Variants in CDKAL1 observed in about 807,000 individuals in gnomAD.
The protein encoded by CDKAL1 is CDKAL1 threonylcarbamoyladenosine tRNA methylthiotransferase.
In CDKAL1, 32 loss-of-function variants were observed where a neutral mutation model predicts 68.2. The observed-to-expected ratio is 0.47, with a 90% CI of 0.35 to 0.63. The LOEUF is 0.63. CDKAL1 is among the 30% of genes least tolerant of loss of function. The pLI is 0.00. For synonymous variants in CDKAL1, 234 were observed against 244.3 expected (o/e 0.96, Z 0.39); for missense variants, 606 against 696.7 (o/e 0.87, Z 1.47).
intron 6 of CDKAL1, among the ~76,000 whole-genome samples, chr6:20,750,483 T>C (rs2745933): frequency 0.56 from 84,502 of 151,954 alleles, 23,701 homozygotes; most frequent in Middle Eastern, 0.61. Context: ...TGTCTGAGTC[T>C]CTTGAAAGTT....
At chr6:20,787,916 A>G (rs1056177063) in intron 8 of CDKAL1, among the ~76,000 whole-genome samples, 4 of 152,192 alleles carry the variant, frequency 2.6e-5, no homozygotes, top group Non-Finnish European at 2.9e-5. Flanking sequence ...CTCTGTCACT[A>G]TATATAGTTT....
At chr6:20,620,172 C>T (rs1165082751) in intron 4 of CDKAL1, among the ~76,000 whole-genome samples, 4 of 152,134 alleles carry the variant, frequency 2.6e-5, no homozygotes, top group Admixed American at 1.3e-4. Context: ...TATACAGAGC[C>T]ATAGCTTATA....
chr6:20,804,437 G>C (rs560920365), intron 8 of CDKAL1, among the ~76,000 whole-genome samples: 1 of 152,316 alleles, frequency 6.6e-6, no homozygotes, highest in Non-Finnish European at 1.5e-5. Flanking sequence ...AGTTGCTTTT[G>C]TTAGAACAGC....
At chr6:20,701,341 C>T (rs1453031958) in intron 5 of CDKAL1, among the ~76,000 whole-genome samples, 1 of 135,326 alleles carries the variant, frequency 7.4e-6, no homozygotes, top group African/African-American at 2.8e-5. Context: ...TTCTAGCTTT[C>T]TTGGAAAAAC....
chr6:20,995,867 A>G (rs2150808228), intron 10 of CDKAL1, among the ~76,000 whole-genome samples: 1 of 152,322 alleles, frequency 6.6e-6, no homozygotes, highest in South Asian at 2.1e-4. Context: ...TACCTATGAA[A>G]GTCCTAGATG....
At chr6:20,627,334 A>T (rs1469625756) in intron 4 of CDKAL1, among the ~76,000 whole-genome samples, 2 of 152,212 alleles carry the variant, frequency 1.3e-5, no homozygotes, top group African/African-American at 4.8e-5. Context: ...AGAAACTCAA[A>T]ATAGTCATTG....
chr6:20,670,286 G>A (rs1160240289), intron 5 of CDKAL1, among the ~76,000 whole-genome samples: 1 of 152,024 alleles, frequency 6.6e-6, no homozygotes, highest in African/African-American at 2.4e-5. Flanking sequence ...TTTTTAATTT[G>A]TAATACAATT....
At chr6:20,744,743 T>C (rs1173827449) in intron 6 of CDKAL1, among the ~76,000 whole-genome samples, 1 of 152,194 alleles carries the variant, frequency 6.6e-6, no homozygotes, top group Non-Finnish European at 1.5e-5. Context: ...TATTACAGTA[T>C]CCATTATTAA....
chr6:21,208,197 C>T (rs148963146), intron 15 of CDKAL1, among the ~76,000 whole-genome samples: 16 of 152,124 alleles, frequency 1.1e-4, no homozygotes, highest in African/African-American at 2.2e-4. Context: ...CTGACACAGC[C>T]GACCGCGCTT....
chr6:21,004,098 AT>A (rs944669540), intron 11 of CDKAL1, among the ~76,000 whole-genome samples: 1 of 152,146 alleles, frequency 6.6e-6, no homozygotes, highest in Non-Finnish European at 1.5e-5. Context: ...TAAAAAATCC[AT>A]TTTTTAAGAC....
At chr6:20,809,782 A>T (rs977628667) in intron 8 of CDKAL1, among the ~76,000 whole-genome samples, 1 of 152,166 alleles carries the variant, frequency 6.6e-6, no homozygotes, top group African/African-American at 2.4e-5. Flanking sequence ...AGTGACAGAA[A>T]ATCAGAGATT....
Position 20,546,426 on chromosome 6 carries a change from G to A in CDKAL1, c.76G>A (p.Asp26Asn). Reference sequence around the variant, plus strand: ...GTCTCAGGAAGATTCAAAACCACAAGATAGGCATTTTGTAAGAAAGGATGT... The same window carrying A: ...GTCTCAGGAAGATTCAAAACCACAAAATAGGCATTTTGTAAGAAAGGATGT... ...IVSQEDSKPQ[D>N]RHFVRKDVVP... is the part of the protein sequence containing the mutation. The change falls in exon 3 of 16, where the codon GAT (aspartate) becomes AAT (asparagine). Residue 26 changes from aspartate to asparagine, a missense_variant. Transcript: ENST00000274695. The A allele has an allele frequency of 4.3e-6, 7 of 1,613,844 alleles. No individual in the cohort carries two copies. The highest frequency in any genetic ancestry group is 5.9e-6 in the Non-Finnish European group (7 of 1,179,734).
intron 4 of CDKAL1, among the ~76,000 whole-genome samples, chr6:20,563,558 T>A (rs551343565): frequency 6.6e-6 from 1 of 152,212 alleles, no homozygotes; most frequent in Admixed American, 6.5e-5. Flanking sequence ...TGTTGCCCAG[T>A]CTGGTCTTGA....
intron 4 of CDKAL1, among the ~76,000 whole-genome samples, chr6:20,610,578 T>G (rs747807759): frequency 2.3e-4 from 35 of 152,108 alleles, no homozygotes; most frequent in Admixed American, 9.2e-4. Flanking sequence ...TCTTCCCTCA[T>G]GCACAAACTT....
chr6:20,820,061 A>G (rs190605913), intron 8 of CDKAL1, among the ~76,000 whole-genome samples: 127 of 152,228 alleles, frequency 8.3e-4, no homozygotes, highest in African/African-American at 2.8e-3. Flanking sequence ...GTAACCTACC[A>G]AGGGGGCCAG....
At chr6:20,958,817 T>C (rs1383969734) in intron 10 of CDKAL1, among the ~76,000 whole-genome samples, 2 of 152,202 alleles carry the variant, frequency 1.3e-5, no homozygotes, top group Non-Finnish European at 2.9e-5. Flanking sequence ...TTGGCTGGTT[T>C]GTTTTCCTTC....
chr6:21,142,026 A>C (rs1775940657), intron 13 of CDKAL1, among the ~76,000 whole-genome samples: 1 of 152,152 alleles, frequency 6.6e-6, no homozygotes, highest in South Asian at 2.1e-4. Context: ...GGTGGATCCA[A>C]AATTTTTTTT....
intron 4 of CDKAL1, among the ~76,000 whole-genome samples, chr6:20,636,330 C>G (rs1767903318): frequency 6.6e-6 from 1 of 152,156 alleles, no homozygotes; most frequent in Admixed American, 6.5e-5. Flanking sequence ...CTTGGATCTT[C>G]TATTGCCATG....
chr6:20,613,971 T>A (rs1766769464), intron 4 of CDKAL1, among the ~76,000 whole-genome samples: 1 of 145,528 alleles, frequency 6.9e-6, no homozygotes, highest in African/African-American at 2.4e-5. Context: ...CCAACATAGT[T>A]CTATGTATCA....
Sources: allele counts gnomAD v4.1 joint callset (sites outside exome capture counted in the v4.1 genomes callset), GRCh38; gene constraint gnomAD v4.1.1; transcripts MANE v1.5; gene names NCBI Gene and HGNC (gene_info 2026-07-23, HGNC 2026-07-21).